STXBP6: variants seen among roughly 807,000 people sequenced by gnomAD.
The protein encoded by STXBP6 is syntaxin binding protein 6.
Under a neutral mutation model 26.9 loss-of-function variants are expected in STXBP6, and 21 were observed. The observed-to-expected ratio is 0.78, with a 90% CI of 0.55 to 1.12. The LOEUF is 1.12. Ranked by LOEUF, STXBP6 falls within the 50% of genes most tolerant of loss-of-function variation. The probability of loss-of-function intolerance (pLI) is 0.00; values close to 1 mark genes in which losing one functional copy is unlikely to be tolerated. For missense variants in STXBP6, 232 were observed against 257.9 expected (o/e 0.90, Z 0.69); for synonymous variants, 97 against 92.6 (o/e 1.05, Z -0.27).
At chr14:24,906,448 A>G (rs149293651) in intron 2 of STXBP6, among the ~76,000 whole-genome samples, 3 of 152,338 alleles carry the variant, frequency 2.0e-5, no homozygotes, top group Admixed American at 6.5e-5. Context: ...GACATTGATG[A>G]TGATCATCTG....
Position 25,049,741 on chromosome 14 carries a change from C to A in STXBP6, c.-33+137G>T. 1.0e-6 allele frequency: 1 copy of A among 985,464 alleles called. No homozygotes were observed. The highest frequency in any genetic ancestry group is 1.2e-6 in the Non-Finnish European group (1 of 829,984). The allele number at this position is 985,464 out of a possible 1,614,324, so 61.0% of individuals were successfully genotyped here. A position where few individuals can be genotyped will look rare whatever the true frequency, so the allele number is the denominator to read the frequency against. On this transcript the variant is annotated intron_variant, in intron 1 of 5. Transcript: ENST00000323944. This position sits in a 1 kb window ranked among gnomAD's most constrained non-coding sequence, Gnocchi z 5.6. Reference sequence around the variant, plus strand: ...CAACTTGGAAGAATCTCTCTGGGAGCCTGCCTACTCCCCTGGCCTCACAGC... The same window carrying A: ...CAACTTGGAAGAATCTCTCTGGGAGACTGCCTACTCCCCTGGCCTCACAGC...
intron 2 of STXBP6, among the ~76,000 whole-genome samples, chr14:24,933,001 T>C (rs1273682662): frequency 6.6e-6 from 1 of 152,184 alleles, no homozygotes; most frequent in African/African-American, 2.4e-5. Context: ...CCAGGCTAAA[T>C]ATAAGATCTC....
intron 4 of STXBP6, among the ~76,000 whole-genome samples, chr14:24,848,687 GA>G (rs1457076925): frequency 6.6e-6 from 1 of 150,648 alleles, no homozygotes; most frequent in Non-Finnish European, 1.5e-5. Context: ...AATGAGCAGT[GA>G]AAAAAAAATT....
intron 1 of STXBP6, among the ~76,000 whole-genome samples, chr14:25,025,967 C>G (rs1157505955): frequency 6.6e-6 from 1 of 152,198 alleles, no homozygotes; most frequent in Non-Finnish European, 1.5e-5. Flanking sequence ...TCAAAGACCA[C>G]AGCAAATACA....
intron 1 of STXBP6, among the ~76,000 whole-genome samples, chr14:24,986,855 G>A (rs780264694): frequency 2.0e-5 from 3 of 152,276 alleles, no homozygotes; most frequent in Non-Finnish European, 2.9e-5. Context: ...CCATGTGAGT[G>A]GAATGGGTGG....
chr14:25,025,492 T>C (rs1312148821), intron 1 of STXBP6, among the ~76,000 whole-genome samples: 1 of 152,152 alleles, frequency 6.6e-6, no homozygotes, highest in Non-Finnish European at 1.5e-5. Flanking sequence ...TATCTTTAAG[T>C]GTTCTTATAA....
At chr14:24,937,365 C>G (rs1384930623) in intron 2 of STXBP6, among the ~76,000 whole-genome samples, 1 of 152,214 alleles carries the variant, frequency 6.6e-6, no homozygotes, top group African/African-American at 2.4e-5. Context: ...ACTAAGAGTT[C>G]TTTTAGAATT....
At chr14:24,977,253 A>G (rs1329204884) in intron 1 of STXBP6, among the ~76,000 whole-genome samples, 1 of 151,856 alleles carries the variant, frequency 6.6e-6, no homozygotes, top group East Asian at 1.9e-4. Context: ...ACTGTAGTTA[A>G]AAGAAAAAGA....
At chr14:25,031,508 T>A (rs2140467880) in intron 1 of STXBP6, among the ~76,000 whole-genome samples, 1 of 152,288 alleles carries the variant, frequency 6.6e-6, no homozygotes, top group Admixed American at 6.5e-5. Context: ...TAGAATAGAT[T>A]CTTTCTAGAG....
intron 1 of STXBP6, among the ~76,000 whole-genome samples, chr14:25,023,766 G>A (rs953897130): frequency 1.3e-5 from 2 of 152,096 alleles, no homozygotes; most frequent in Non-Finnish European, 1.5e-5. Flanking sequence ...TTCCAGCCTG[G>A]GCAATGGAAG....
chr14:24,993,400 C>A (rs1390441150), intron 1 of STXBP6, among the ~76,000 whole-genome samples: 1 of 152,146 alleles, frequency 6.6e-6, no homozygotes, highest in East Asian at 1.9e-4. Context: ...TTCTGTTCAA[C>A]TCTACTTTCT....
chr14:24,960,690 C>T (rs752123348), intron 2 of STXBP6, among the ~76,000 whole-genome samples: 1 of 152,138 alleles, frequency 6.6e-6, no homozygotes, highest in Non-Finnish European at 1.5e-5. Flanking sequence ...GCACATTTGG[C>T]CTTTACAGCT....
Position 24,952,265 on chromosome 14 carries a change from G to T in STXBP6, c.154+22400C>A, listed in dbSNP as rs116442162. ...ATTAAGACAAATAAGCTTATTTCAGGCTGCTCTGCTTAGGGGGTAGCCATT... is the reference window on the plus strand; with the variant it reads ...ATTAAGACAAATAAGCTTATTTCAGTCTGCTCTGCTTAGGGGGTAGCCATT... On this transcript the variant is annotated intron_variant, in intron 2 of 5. Coordinates refer to ENST00000323944, the MANE Select transcript of STXBP6 (RefSeq NM_001394410.1). 5.1e-3 allele frequency among the ~76,000 whole-genome samples: 759 copies of T among 149,656 alleles called. 11 individuals carry two copies. The highest frequency in any genetic ancestry group is 0.017 in the African/African-American group (708 of 40,818).
intron 2 of STXBP6, among the ~76,000 whole-genome samples, chr14:24,900,607 G>A (rs1404027762): frequency 6.6e-6 from 1 of 152,180 alleles, no homozygotes; most frequent in African/African-American, 2.4e-5. Context: ...ACAAGAGAAA[G>A]TTCTACAAAA....
intron 2 of STXBP6, among the ~76,000 whole-genome samples, chr14:24,892,826 G>A (rs573344970): frequency 6.6e-6 from 1 of 152,332 alleles, no homozygotes; most frequent in South Asian, 2.1e-4. Context: ...TCAAGCAGGA[G>A]CAGGGGCTTG....
At chr14:25,043,782 T>C (rs1212520366) in intron 1 of STXBP6, among the ~76,000 whole-genome samples, 2 of 152,236 alleles carry the variant, frequency 1.3e-5, no homozygotes, top group Non-Finnish European at 2.9e-5. Context: ...ATTTTGTTCC[T>C]TTCTATGTTT....
intron 2 of STXBP6, among the ~76,000 whole-genome samples, chr14:24,929,006 A>G (rs1009099635): frequency 2.0e-5 from 3 of 152,166 alleles, no homozygotes; most frequent in African/African-American, 7.2e-5. Flanking sequence ...AGAAGATATC[A>G]GGTAGAAAGT....
chr14:24,819,132 C>A lies in STXBP6; in HGVS notation c.514G>T (p.Ala172Ser), dbSNP rs1174863392. 2.5e-6 allele frequency: 4 copies of A among 1,614,118 alleles called. No individual in the cohort carries two copies. In the African/African-American group the frequency reaches 5.3e-5, roughly 22 times the overall value. ...VTSAVQKASQ[A>S]LNERGERLGR... ...AATCGCTCTCCACGCTCATTCAAGG[C>A]CTGGCTTGCCTTCTGCACTGCGCTG... The change falls in exon 5 of 6, where the codon GCC (alanine) becomes TCC (serine). Residue 172 changes from alanine (A) to serine (S), a missense_variant. Ala to Ser is a moderately conservative substitution (Grantham distance 99). Coordinates refer to ENST00000323944, the MANE Select transcript of STXBP6 (RefSeq NM_001394410.1).
chr14:24,927,180 ACTGTTTATGAATG>A (rs1358067269), intron 2 of STXBP6, among the ~76,000 whole-genome samples: 4 of 152,152 alleles, frequency 2.6e-5, no homozygotes, highest in Admixed American at 2.6e-4. Context: ...ATTAAAGAAG[ACTGTTTATGAATG>A]CAGGACTGAT....
Sources: allele counts gnomAD v4.1 joint callset (sites outside exome capture counted in the v4.1 genomes callset), GRCh38; gene constraint gnomAD v4.1.1; non-coding constraint Gnocchi (gnomAD v3.1); transcripts MANE v1.5; gene names NCBI Gene and HGNC (gene_info 2026-07-23, HGNC 2026-07-21).